The following NEXN variants were observed in gnomAD, a reference collection of about 807,000 sequenced individuals.
NEXN encodes nexilin F-actin binding protein.
Under a neutral mutation model 92.6 loss-of-function variants are expected in NEXN, and 65 were observed. The ratio of observed to expected loss-of-function variants is 0.70; its 90% CI spans 0.57 to 0.86. The LOEUF is 0.86. Among genes scored for constraint, NEXN ranks in the 40% least tolerant of loss-of-function variants. NEXN has a pLI of 0.00. For missense variants in NEXN, 778 were observed against 771.1 expected, an observed-to-expected ratio of 1.01 and a Z score of -0.11; for synonymous variants, 254 against 242.5, an observed-to-expected ratio of 1.05 and a Z score of -0.44.
Position 77,942,573 on chromosome 1 carries a change from C to T in NEXN, c.1772C>T (p.Thr591Ile), listed in dbSNP as rs775423327. The change falls in exon 13 of 13, where the codon ACA becomes ATA. Residue 591 changes from threonine to isoleucine, a missense_variant. Around this residue, in one of 3 missense-constraint regions of NEXN, gnomAD observed 532 missense variants for 476.7 expected, o/e 1.12. Transcript: ENST00000334785. ...TGGTTCAAGAAGCCTCTTAAAAACA[C>T]ATCAGTTGTAGACAGTGAGCCAGTC... ...APWFKKPLKN[T>I]SVVDSEPVRF... 5 of 1,613,864 alleles carry T rather than the reference C, an allele frequency of 3.1e-6. No individual in the cohort carries two copies. The highest frequency in any genetic ancestry group is 4.2e-6 in the Non-Finnish European group (5 of 1,179,810).
chr1:77,889,028 G>A (rs1358886050), intron 1 of NEXN: 2 of 152,870 alleles, frequency 1.3e-5, no homozygotes, highest in East Asian at 3.8e-4. Context: ...TGAAAGTGTC[G>A]GCCGGCCTTG....
chr1:77,911,739 TTATA>T (rs34038877), intron 1 of NEXN, among the ~76,000 whole-genome samples: 104,123 of 148,324 alleles, frequency 0.7, 37,095 homozygotes, highest in African/African-American at 0.82. Flanking sequence ...ATAGCCTGTT[TTATA>T]TATATATATA....
intron 10 of NEXN, 83 bp from the exon 11 acceptor site, chr1:77,935,740 C>A: frequency 7.9e-7 from 1 of 1,258,476 alleles, no homozygotes; most frequent in Non-Finnish European, 1.1e-6. Flanking sequence ...ATTGCTTAAA[C>A]ACAGGAATTC....
chr1:77,891,851 G>C (rs1416398447), intron 1 of NEXN, among the ~76,000 whole-genome samples: 1 of 151,896 alleles, frequency 6.6e-6, no homozygotes, highest in Non-Finnish European at 1.5e-5. Context: ...GCTGAGGCGA[G>C]AGGATCCCTT....
At chr1:77,934,164 G>A (rs577609299) in intron 10 of NEXN, among the ~76,000 whole-genome samples, 4 of 151,848 alleles carry the variant, frequency 2.6e-5, no homozygotes, top group Non-Finnish European at 4.4e-5. Context: ...CATGTGCCAC[G>A]ATGCCCGGCT....
At chr1:77,923,392 G>A (rs1157934333) in intron 5 of NEXN, among the ~76,000 whole-genome samples, 5 of 152,044 alleles carry the variant, frequency 3.3e-5, no homozygotes, top group Admixed American at 6.6e-5. Flanking sequence ...CTAGTATGAA[G>A]CAGGGTACAA....
At chr1:77,889,443 T>G (rs1259714089) in intron 1 of NEXN, 1 of 151,882 alleles carries the variant, frequency 6.6e-6, no homozygotes, top group African/African-American at 2.4e-5. Flanking sequence ...TTTACGTAGT[T>G]TAAGTGAGTG....
chr1:77,938,957 G>C (rs923960769), intron 11 of NEXN, among the ~76,000 whole-genome samples: 1 of 152,162 alleles, frequency 6.6e-6, no homozygotes, highest in African/African-American at 2.4e-5. Flanking sequence ...AACCTTGCAG[G>C]CTCTATGATC....
chr1:77,933,326 A>T lies in NEXN; in HGVS notation c.1098A>T (p.Gln366His). ...CAGAGATGTATAAGACAATCTCTCA[A>T]GAATTTCTTACACCGGGAAAACTGG... ...DSPEMYKTISQEFLTPGKLEI... is the reference protein window; with the variant it reads ...DSPEMYKTISHEFLTPGKLEI... Residue 366 changes from glutamine (Q) to histidine (H), a missense_variant, in exon 10 of 13, where the codon CAA becomes CAT. By Grantham distance (24) the Gln-to-His change is conservative. Around this residue, in one of 3 missense-constraint regions of NEXN, gnomAD observed 532 missense variants for 476.7 expected, o/e 1.12. Transcript: ENST00000334785. The T allele has an allele frequency of 6.2e-7, 1 of 1,609,714 alleles. No individual in the cohort carries two copies. The highest frequency in any genetic ancestry group is 8.5e-7 in the Non-Finnish European group (1 of 1,177,084).
chr1:77,924,949 C>T (rs1157469168), intron 5 of NEXN, among the ~76,000 whole-genome samples: 1 of 152,172 alleles, frequency 6.6e-6, no homozygotes, highest in Non-Finnish European at 1.5e-5. Context: ...CATGAGCCAC[C>T]TCGTCCAGCC....
At position 77,925,182 on chromosome 1, in the gene NEXN, C is replaced by T; in HGVS notation, c.448-6C>T. On this transcript the variant is annotated splice_region_variant and splice_polypyrimidine_tract_variant and intron_variant, in intron 5 of 12. Transcript: ENST00000334785. The stretch of plus-strand genomic sequence containing the variant: ...AATGTAATGATATGAAATTCTCATT[C>T]AATAGATTGAGGACATAAACAATAC... 2 of 1,582,102 alleles carry T rather than the reference C, an allele frequency of 1.3e-6. No homozygotes were observed. The highest frequency in any genetic ancestry group is 1.7e-6 in the Non-Finnish European group (2 of 1,154,304).
intron 11 of NEXN, among the ~76,000 whole-genome samples, chr1:77,936,680 GCTTAAGGA>G (rs1156988544): frequency 6.6e-6 from 1 of 152,138 alleles, no homozygotes; most frequent in Non-Finnish European, 1.5e-5. Flanking sequence ...ATCCCTTCTA[GCTTAAGGA>G]CTATTTCTGT....
intron 1 of NEXN, among the ~76,000 whole-genome samples, chr1:77,914,352 G>A (rs1215292148): frequency 6.6e-6 from 1 of 151,844 alleles, no homozygotes. Context: ...CATGTGCAGG[G>A]ACAGAACATA....
Position 77,926,568 on chromosome 1 carries a change from A to G in NEXN, c.644A>G (p.Gln215Arg), listed in dbSNP as rs2102123963. 2.5e-6 allele frequency: 4 copies of G among 1,613,898 alleles called. No homozygotes were observed. Among genetic ancestry groups the G allele is most frequent in the Non-Finnish European group, 3.4e-6 (4 of 1,179,900 alleles). The part of the protein sequence containing the change: ...EEDKRIRYEE[Q>R]RPSLKEAKCL... ...GATAAAAGAATAAGATATGAAGAAC[A>G]ACGACCATCTCTCAAGGAAGCAAAG... The change falls in exon 7 of 13, where the codon CAA becomes CGA. Residue 215 changes from glutamine (Q) to arginine (R), a missense_variant. By Grantham distance (43) the Gln-to-Arg change is conservative. Transcript: ENST00000334785.
rs145046356 is a variant in NEXN, at chr1:77,937,596, G to A, written c.1473+1552G>A. On this transcript the variant is annotated intron_variant, in intron 11 of 12. Coordinates refer to ENST00000334785, the MANE Select transcript of NEXN (RefSeq NM_144573.4). The stretch of plus-strand genomic sequence containing the variant: ...CCCACCTACTAGGGAGGCTGAGGCA[G>A]GAGTATTGCTTGAACCCGGGAGGTG... Among the ~76,000 whole-genome samples the A allele has an allele frequency of 3.7e-3, 557 of 152,232 alleles. 3 individuals are homozygous for A. Among genetic ancestry groups the A allele is most frequent in the East Asian group, 0.033 (172 of 5,176 alleles).
intron 11 of NEXN, among the ~76,000 whole-genome samples, chr1:77,941,407 A>T (rs1021795891): frequency 6.6e-6 from 1 of 152,108 alleles, no homozygotes; most frequent in Non-Finnish European, 1.5e-5. Flanking sequence ...TCACTCCCTT[A>T]TTAGCATTTC....
chr1:77,936,190 T>TC, intron 11 of NEXN, 146 bp downstream of exon 11: 1 of 642,986 alleles, frequency 1.6e-6, no homozygotes, highest in South Asian at 2.0e-5. Context: ...GCAAAACACA[T>TC]GTAGATCTTA....
intron 10 of NEXN, among the ~76,000 whole-genome samples, chr1:77,934,190 G>A (rs1780052): frequency 0.8 from 121,354 of 151,616 alleles, 48,854 homozygotes; most frequent in Middle Eastern, 0.87. Flanking sequence ...TTGTATTTTT[G>A]GTAGAGATGG....
At chr1:77,919,567 T>A (rs1649252324) in intron 5 of NEXN, among the ~76,000 whole-genome samples, 2 of 150,538 alleles carry the variant, frequency 1.3e-5, no homozygotes, top group Non-Finnish European at 1.5e-5. Context: ...AAGTCTGAAA[T>A]CCAGCAGGTC....
Sources: allele counts gnomAD v4.1 joint callset (sites outside exome capture counted in the v4.1 genomes callset), GRCh38; gene constraint gnomAD v4.1.1; regional missense constraint gnomAD v4.1.1; transcripts MANE v1.5; gene names NCBI Gene and HGNC (gene_info 2026-07-23, HGNC 2026-07-21).